Variants in VRTN observed in about 807,000 individuals in gnomAD.
VRTN encodes vertnin.
Under a neutral mutation model 18.2 loss-of-function variants are expected in VRTN, and 5 were observed. The ratio of observed to expected loss-of-function variants is 0.27; its 90% CI spans 0.14 to 0.58. The LOEUF (loss-of-function observed/expected upper bound fraction) is 0.58, where lower values mean the gene tolerates loss of function less well. Ranked by LOEUF, VRTN falls within the 20% of genes least tolerant of loss-of-function variation. VRTN has a pLI of 0.91. For synonymous variants in VRTN, 381 were observed against 393.7 expected (o/e 0.97, Z 0.38); for missense variants, 741 against 939.4 (o/e 0.79, Z 2.76).
intron 1 of VRTN, among the ~76,000 whole-genome samples, chr14:74,352,093 G>A (rs895580600): frequency 1.1e-4 from 16 of 151,612 alleles, no homozygotes; most frequent in Non-Finnish European, 1.9e-4. Flanking sequence ...CTTGTGATCC[G>A]CCTGCCTCGT....
upstream of VRTN, among the ~76,000 whole-genome samples, chr14:74,345,721 C>T (rs1387475591): frequency 1.1e-4 from 17 of 150,064 alleles, no homozygotes; most frequent in South Asian, 6.4e-4. Flanking sequence ...GTCAGGAGTT[C>T]GAGACCACCC....
At chr14:74,350,292 G>A (rs544837263) in intron 1 of VRTN, among the ~76,000 whole-genome samples, 30 of 152,106 alleles carry the variant, frequency 2.0e-4, no homozygotes, top group African/African-American at 6.7e-4. Context: ...CAGAAGTGGG[G>A]TATCACATAC....
At position 74,357,583 on chromosome 14, in the gene VRTN, C is replaced by A; in HGVS notation, c.800C>A (p.Pro267Gln). Reference sequence around the variant, plus strand: ...CCAGCCCTGGCCCCACTCTCATCGCCGGCCAAGACCCTGGAGCTGCTCAAC... The same window carrying A: ...CCAGCCCTGGCCCCACTCTCATCGCAGGCCAAGACCCTGGAGCTGCTCAAC... ...ALPALAPLSS[P>Q]AKTLELLNRE... is the part of the protein sequence containing the mutation. Residue 267 changes from proline (P) to glutamine (Q), a missense_variant, in exon 2 of 2, where the codon CCG becomes CAG. Physicochemically the swap from Pro to Gln is moderately conservative, Grantham distance 76. This residue lies in a region of VRTN where 494 missense variants were observed against 546.5 expected (regional missense o/e 0.90). Transcript: ENST00000256362. The surrounding 1 kb of genome is among the most constrained non-coding windows in gnomAD (Gnocchi z 7.8). 6.2e-7 allele frequency: 1 copy of A among 1,614,012 alleles called. No homozygotes were observed. Among genetic ancestry groups the A allele is most frequent in the Non-Finnish European group, 8.5e-7 (1 of 1,180,028 alleles).
At chr14:74,338,364 A>G (rs1368698063) in intron 2 of VRTN, among the ~76,000 whole-genome samples, 1 of 152,190 alleles carries the variant, frequency 6.6e-6, no homozygotes, top group African/African-American at 2.4e-5. Flanking sequence ...GTACCCAGGA[A>G]TGAGGGGCTC....
At chr14:74,314,125 A>G (rs1393411233) in intron 1 of VRTN, among the ~76,000 whole-genome samples, 1 of 152,232 alleles carries the variant, frequency 6.6e-6, no homozygotes, top group South Asian at 2.1e-4. Flanking sequence ...GCAATTTATA[A>G]CTTTCTCTTT....
intron 1 of VRTN, among the ~76,000 whole-genome samples, chr14:74,333,643 C>G (rs1453813322): frequency 2.0e-5 from 3 of 152,004 alleles, no homozygotes; most frequent in Admixed American, 2.0e-4. Context: ...AGTTCAAGAC[C>G]AGCCTGATCA....
At chr14:74,341,374 A>C (rs529817236) in intron 2 of VRTN, among the ~76,000 whole-genome samples, 3 of 152,236 alleles carry the variant, frequency 2.0e-5, no homozygotes, top group Non-Finnish European at 4.4e-5. Flanking sequence ...TTTACCACCC[A>C]ATCAATGTCC....
intron 1 of VRTN, among the ~76,000 whole-genome samples, chr14:74,330,544 T>G (rs1250501323): frequency 6.6e-6 from 1 of 151,100 alleles, no homozygotes; most frequent in East Asian, 2.0e-4. Context: ...CAGGTTCAAG[T>G]GATTCTCCTG....
chr14:74,353,857 G>A (rs1456196863), intron 1 of VRTN, among the ~76,000 whole-genome samples: 1 of 152,034 alleles, frequency 6.6e-6, no homozygotes, highest in African/African-American at 2.4e-5. Flanking sequence ...CGAGTAGCTG[G>A]GACTAGAGGC....
At chr14:74,330,415 G>A (rs548277952) in intron 1 of VRTN, among the ~76,000 whole-genome samples, 37 of 151,030 alleles carry the variant, frequency 2.4e-4, no homozygotes, top group African/African-American at 8.3e-4. Context: ...TCAGTTAGTT[G>A]AAGTATAGCC....
intron 1 of VRTN, among the ~76,000 whole-genome samples, chr14:74,332,362 T>G (rs1056433671): frequency 2.1e-4 from 21 of 99,002 alleles, no homozygotes; most frequent in East Asian, 1.4e-3. Flanking sequence ...TTTTTTTTTT[T>G]TTTTTTTTTT....
intron 2 of VRTN, among the ~76,000 whole-genome samples, chr14:74,339,600 G>T (rs1397246901): frequency 1.3e-5 from 2 of 152,066 alleles, no homozygotes; most frequent in Non-Finnish European, 1.5e-5. Flanking sequence ...GATCACTTGA[G>T]CCCAGGAGTT....
chr14:74,317,895 A>G (rs539606182), intron 1 of VRTN, among the ~76,000 whole-genome samples: 7 of 152,292 alleles, frequency 4.6e-5, no homozygotes, highest in African/African-American at 1.7e-4. Flanking sequence ...GGAGGCCAAC[A>G]TGGGAGTATT....
At chr14:74,316,403 C>T (rs1017385938) in intron 1 of VRTN, among the ~76,000 whole-genome samples, 16 of 151,810 alleles carry the variant, frequency 1.1e-4, no homozygotes, top group Non-Finnish European at 8.8e-5. Flanking sequence ...GTCCCAGCTA[C>T]TTGGGAGGCT....
Position 74,358,299 on chromosome 14 carries a change from C to T in VRTN, c.1516C>T (p.Arg506Cys), listed in dbSNP as rs780343241. 1.6e-5 allele frequency: 25 copies of T among 1,611,078 alleles called. No individual in the cohort carries two copies. Among genetic ancestry groups the T allele is most frequent in the Non-Finnish European group, 2.0e-5 (23 of 1,178,246 alleles). The change falls in exon 2 of 2, where the codon CGT becomes TGT. Residue 506 changes from arginine (R) to cysteine (C), a missense_variant. Arg to Cys is a radical substitution (Grantham distance 180, BLOSUM62 -3). This residue lies in a region of VRTN where 494 missense variants were observed against 546.5 expected (regional missense o/e 0.90). Transcript: ENST00000256362. This position sits in a 1 kb window ranked among gnomAD's most constrained non-coding sequence, Gnocchi z 5.4. Reference sequence around the variant, plus strand: ...CCTGCCACTAAGGATGCCCCTGTCCCGTTGGCAGAGGCGTCTGCGCAGGGC... The same window carrying T: ...CCTGCCACTAAGGATGCCCCTGTCCTGTTGGCAGAGGCGTCTGCGCAGGGC... ...ELLPLRMPLSRWQRRLRRAAR... is the reference protein window; with the variant it reads ...ELLPLRMPLSCWQRRLRRAAR...
intron 1 of VRTN, among the ~76,000 whole-genome samples, chr14:74,308,671 C>T (rs1311351200): frequency 4.6e-5 from 7 of 151,708 alleles, no homozygotes; most frequent in African/African-American, 1.2e-4. Context: ...CCCGCCACCA[C>T]GCACAGCTAA....
At chr14:74,354,479 A>G (rs559325332) in intron 1 of VRTN, among the ~76,000 whole-genome samples, 1 of 151,348 alleles carries the variant, frequency 6.6e-6, no homozygotes, top group South Asian at 2.1e-4. Flanking sequence ...ATCTTGGCTC[A>G]CTGCAGCCTC....
intron 1 of VRTN, among the ~76,000 whole-genome samples, chr14:74,353,848 G>A (rs972921325): frequency 3.3e-5 from 5 of 151,944 alleles, no homozygotes; most frequent in African/African-American, 9.7e-5. Flanking sequence ...TCAGCCTCCC[G>A]AGTAGCTGGG....
intron 1 of VRTN, among the ~76,000 whole-genome samples, chr14:74,355,612 G>C (rs187703573): frequency 6.6e-6 from 1 of 152,090 alleles, no homozygotes; most frequent in South Asian, 2.1e-4. Flanking sequence ...TCTACTCAGT[G>C]CGGCCTCCAC....
Sources: allele counts gnomAD v4.1 joint callset (sites outside exome capture counted in the v4.1 genomes callset), GRCh38; gene constraint gnomAD v4.1.1; regional missense constraint gnomAD v4.1.1; non-coding constraint Gnocchi (gnomAD v3.1); transcripts MANE v1.5; gene names NCBI Gene and HGNC (gene_info 2026-07-23, HGNC 2026-07-21).